Variants in MNAT1 observed in about 807,000 individuals in gnomAD.
MNAT1 encodes CDK-activating kinase assembly factor MAT1.
MNAT1 carries 43 observed loss-of-function variants against 42.0 expected under a neutral mutation model. The ratio of observed to expected loss-of-function variants is 1.02; its 90% CI spans 0.80 to 1.32. The LOEUF (loss-of-function observed/expected upper bound fraction) is 1.32. MNAT1 is among the 40% of genes most tolerant of loss of function. The pLI is 0.00. For missense variants in MNAT1, 306 were observed against 350.4 expected, an observed-to-expected ratio of 0.87 and a Z score of 1.01; for synonymous variants, 118 against 120.0, an observed-to-expected ratio of 0.98 and a Z score of 0.11.
chr14:60,769,451 A>T (rs894842961), intron 1 of MNAT1, among the ~76,000 whole-genome samples: 30 of 151,158 alleles, frequency 2.0e-4, no homozygotes, highest in Admixed American at 2.0e-3. Flanking sequence ...TTTTTATTTT[A>T]TTTTATTTTT....
At chr14:60,800,695 T>G (rs1053190054) in intron 3 of MNAT1, among the ~76,000 whole-genome samples, 3 of 152,192 alleles carry the variant, frequency 2.0e-5, no homozygotes, top group African/African-American at 7.2e-5. Flanking sequence ...GTTAAAGTAT[T>G]TGAAGAGAGA....
At chr14:60,955,291 C>A (rs2036465496) in intron 7 of MNAT1, among the ~76,000 whole-genome samples, 1 of 151,884 alleles carries the variant, frequency 6.6e-6, no homozygotes, top group Non-Finnish European at 1.5e-5. Flanking sequence ...GGTATTAATT[C>A]TTTTTTGAAC....
chr14:60,929,163 AAAAAAAAATAT>A (rs1273759308), intron 7 of MNAT1, among the ~76,000 whole-genome samples: 11 of 124,028 alleles, frequency 8.9e-5, no homozygotes, highest in Middle Eastern at 4.3e-3. Context: ...AAAAAAAAAA[AAAAAAAAATAT>A]ATATATATAT....
intron 1 of MNAT1, among the ~76,000 whole-genome samples, chr14:60,767,591 A>G (rs923918212): frequency 6.6e-6 from 1 of 151,820 alleles, no homozygotes; most frequent in Admixed American, 6.6e-5. Context: ...TTTAATTTAA[A>G]TTTAAATTTT....
rs574001293 is a variant in MNAT1, at chr14:60,782,689, C to G, written c.90-13528C>G. Among the ~76,000 whole-genome samples, 190 of 152,252 alleles carry G rather than the reference C, an allele frequency of 1.2e-3. 1 individual carries two copies. The highest frequency in any genetic ancestry group is 4.4e-3 in the African/African-American group (181 of 41,550). On this transcript the variant is annotated intron_variant, in intron 1 of 7. Transcript: ENST00000261245. ...ATGTAAATCTCATCAGCTCTGAAAG[C>G]TAGGTTTTTACCCCTATGTAGGTAT...
intron 7 of MNAT1, among the ~76,000 whole-genome samples, chr14:60,912,664 G>T (rs1039661388): frequency 2.0e-5 from 3 of 152,158 alleles, no homozygotes; most frequent in Non-Finnish European, 4.4e-5. Flanking sequence ...CTGTCTTCTG[G>T]CTTGTAGAGT....
intron 7 of MNAT1, among the ~76,000 whole-genome samples, chr14:60,904,267 T>G (rs954669584): frequency 6.6e-6 from 1 of 152,250 alleles, no homozygotes; most frequent in South Asian, 2.1e-4. Context: ...GCAATATGCA[T>G]GTGTATATAA....
intron 1 of MNAT1, among the ~76,000 whole-genome samples, chr14:60,739,970 A>G (rs1363543148): frequency 1.3e-5 from 2 of 152,224 alleles, no homozygotes; most frequent in African/African-American, 4.8e-5. Flanking sequence ...CCTGGCCAAC[A>G]TAGTGAAACC....
intron 6 of MNAT1, among the ~76,000 whole-genome samples, chr14:60,833,581 A>G (rs906879943): frequency 6.6e-5 from 10 of 152,200 alleles, no homozygotes; most frequent in African/African-American, 1.2e-4. Flanking sequence ...TCAGTTTGCC[A>G]GTATTTTATT....
At chr14:60,854,693 C>T (rs551247956) in intron 6 of MNAT1, among the ~76,000 whole-genome samples, 16 of 152,294 alleles carry the variant, frequency 1.1e-4, no homozygotes, top group African/African-American at 2.6e-4. Context: ...AGAGGGGCAC[C>T]GACCTGATGC....
At chr14:60,943,619 T>C (rs915650673) in intron 7 of MNAT1, among the ~76,000 whole-genome samples, 2 of 150,802 alleles carry the variant, frequency 1.3e-5, no homozygotes. Flanking sequence ...TGTTTCTCTT[T>C]TTTTTTTTAA....
chr14:60,964,021 C>T (rs557369483), intron 7 of MNAT1, among the ~76,000 whole-genome samples: 1 of 152,232 alleles, frequency 6.6e-6, no homozygotes, highest in East Asian at 1.9e-4. Flanking sequence ...GAGTCCAAGA[C>T]TTCAGCCAGA....
intron 7 of MNAT1, among the ~76,000 whole-genome samples, chr14:60,891,851 G>A (rs2034852258): frequency 6.6e-6 from 1 of 151,874 alleles, no homozygotes; most frequent in African/African-American, 2.4e-5. Flanking sequence ...GCTTGTTCTT[G>A]TTTTTATTCA....
chr14:60,895,188 C>A (rs2034926087), intron 7 of MNAT1, among the ~76,000 whole-genome samples: 1 of 152,138 alleles, frequency 6.6e-6, no homozygotes, highest in Admixed American at 6.5e-5. Flanking sequence ...AAATTGAGTT[C>A]TTGTATCAGA....
intron 7 of MNAT1, among the ~76,000 whole-genome samples, chr14:60,948,124 T>G (rs1486190098): frequency 6.6e-6 from 1 of 152,106 alleles, no homozygotes; most frequent in African/African-American, 2.4e-5. Flanking sequence ...GAGCCCCCAT[T>G]GTCTGTTTTA....
intron 6 of MNAT1, among the ~76,000 whole-genome samples, chr14:60,849,192 A>G (rs1294502276): frequency 6.6e-6 from 1 of 152,212 alleles, no homozygotes; most frequent in Non-Finnish European, 1.5e-5. Flanking sequence ...ACTGACTTAC[A>G]TGCTATTTTG....
intron 6 of MNAT1, among the ~76,000 whole-genome samples, chr14:60,832,870 T>G (rs1413101771): frequency 6.6e-6 from 1 of 152,236 alleles, no homozygotes; most frequent in Non-Finnish European, 1.5e-5. Context: ...TGATTTGTAG[T>G]TCTCCTTGAA....
chr14:60,747,206 G>A (rs569418088), intron 1 of MNAT1, among the ~76,000 whole-genome samples: 3 of 151,644 alleles, frequency 2.0e-5, no homozygotes, highest in Admixed American at 2.0e-4. Flanking sequence ...GGATGGTCTT[G>A]ATCTCCTGAC....
At position 60,929,166 on chromosome 14, in the gene MNAT1, A is replaced by AT. The variant is rs1355535249; in HGVS notation, c.810-39063_810-39062insT. On this transcript the variant is annotated intron_variant, in intron 7 of 7. Transcript: ENST00000261245. ...CATCTCCCAAAAAAAAAAAAAAAAA[A>AT]AAAAATATATATATATATATATATA... Among the ~76,000 whole-genome samples, 182 of 106,546 alleles carry AT rather than the reference A, an allele frequency of 1.7e-3. 1 individual carries two copies. Among genetic ancestry groups the AT allele is most frequent in the African/African-American group, 5.2e-3 (117 of 22,546 alleles). 69.9% of individuals were successfully genotyped at this position (106,546 alleles called of 152,430 possible). A position where few individuals can be genotyped will look rare whatever the true frequency, so the allele number is the denominator to read the frequency against.
Sources: gnomAD v4.1 joint callset for allele counts (sites outside exome capture counted in the v4.1 genomes callset) on GRCh38, gnomAD v4.1.1 for gene constraint, MANE v1.5 for transcripts, NCBI Gene and HGNC (gene_info 2026-07-23, HGNC 2026-07-21) for gene names.